MED7: variants seen among roughly 807,000 people sequenced by gnomAD.
The protein encoded by MED7 is mediator of RNA polymerase II transcription subunit 7.
In MED7, 7 loss-of-function variants were observed where a neutral mutation model predicts 16.6. That is an observed-to-expected ratio of 0.42 (90% CI 0.24 to 0.79). The LOEUF (loss-of-function observed/expected upper bound fraction) is 0.79, where lower values mean the gene tolerates loss of function less well. Among genes scored for constraint, MED7 ranks in the 30% least tolerant of loss-of-function variants. MED7 has a pLI of 0.27. For synonymous variants in MED7, 88 were observed against 90.5 expected, an observed-to-expected ratio of 0.97 and a Z score of 0.16; for missense variants, 240 against 286.3, an observed-to-expected ratio of 0.84 and a Z score of 1.17.
At chr5:157,140,622 C>G (rs1055074751) in intron 1 of MED7, among the ~76,000 whole-genome samples, 1 of 152,100 alleles carries the variant, frequency 6.6e-6, no homozygotes, top group Admixed American at 6.5e-5. Context: ...TAGGATGATG[C>G]AGCCTCGCCC....
chr5:157,139,075 C>T lies in MED7; in HGVS notation c.357G>A (p.Val119=). Residue 119 remains valine (V), a synonymous_variant, in exon 2 of 2, where the codon GTG becomes GTA. Coordinates refer to ENST00000286317, the MANE Select transcript of MED7 (RefSeq NM_004270.5). Reference sequence around the variant, plus strand: ...GTCGGTATTCATTTATAAGATGATGCACGTGTACAAAAAGCAGCTTAAGAT... The same window carrying T: ...GTCGGTATTCATTTATAAGATGATGTACGTGTACAAAAAGCAGCTTAAGAT... The part of the protein sequence containing the change: ...LEDLKLLFVH[V]HHLINEYRPH... The T allele has an allele frequency of 1.2e-6, 2 of 1,613,980 alleles. No individual in the cohort carries two copies. Among genetic ancestry groups the T allele is most frequent in the African/African-American group, 1.3e-5 (1 of 74,998 alleles).
chr5:157,139,551 G>T (rs914941379), intron 1 of MED7, 103 bp from the exon 2 acceptor site: 2 of 651,392 alleles, frequency 3.1e-6, no homozygotes, highest in African/African-American at 1.9e-5. Context: ...GCAGTTTGGG[G>T]CCGAAGACAA....
rs139093888 is a variant in MED7, at chr5:157,139,141, T to G, written c.291A>C (p.Ile97=). ...CTCGTTTTATACTCCCAGGGCTCCT[T>G]ATTAAAATATCTAAAAGGTCCAAGA... The part of the protein sequence containing the change: ...INFLDLLDIL[I]RSPGSIKREE... Residue 97 remains isoleucine (I), a synonymous_variant, in exon 2 of 2, where the codon ATA becomes ATC. Coordinates refer to ENST00000286317, the MANE Select transcript of MED7 (RefSeq NM_004270.5). 6 of 1,613,532 alleles carry G rather than the reference T, an allele frequency of 3.7e-6. No homozygotes were observed. The African/African-American group carries it at 6.7e-5, about 18-fold the overall frequency.
chr5:157,142,084 G>A (rs1757733703), intron 1 of MED7, among the ~76,000 whole-genome samples: 1 of 152,142 alleles, frequency 6.6e-6, no homozygotes, highest in South Asian at 2.1e-4. Context: ...ATAAGGACTG[G>A]CATATCACAA....
In MED7 at chr5:157,138,995, C is replaced by T; in HGVS notation, c.437G>A (p.Arg146Gln). ...RVMMEVQKRQ[R>Q]LETAERFQKH... The stretch of plus-strand genomic sequence containing the variant: ...TTGAAATCTCTCAGCTGTTTCAAGC[C>T]GTTGACGTTTCTGGACCTCCATCAT... Residue 146 changes from arginine (R) to glutamine (Q), a missense_variant, in exon 2 of 2, where the codon CGG (arginine) becomes CAG (glutamine). Coordinates refer to ENST00000286317, the MANE Select transcript of MED7 (RefSeq NM_004270.5). The T allele has an allele frequency of 5.0e-6, 8 of 1,614,112 alleles. No individual in the cohort carries two copies. The highest frequency in any genetic ancestry group is 5.9e-6 in the Non-Finnish European group (7 of 1,180,020).
intron 1 of MED7, among the ~76,000 whole-genome samples, chr5:157,140,102 G>A (rs771331487): frequency 6.6e-6 from 1 of 152,122 alleles, no homozygotes; most frequent in Non-Finnish European, 1.5e-5. Context: ...TGCAACCTCC[G>A]CCTCCTGGGC....
At chr5:157,142,069 G>A (rs954121773) in intron 1 of MED7, among the ~76,000 whole-genome samples, 8 of 152,166 alleles carry the variant, frequency 5.3e-5, no homozygotes, top group African/African-American at 1.9e-4. Context: ...GCATCTAACT[G>A]TACAATAAGG....
rs745950470 is a variant in MED7, at chr5:157,139,423, T to C, written c.9A>G (p.Glu3=). The change falls in exon 2 of 2, where the codon GAA becomes GAG. Residue 3 remains glutamate, a synonymous_variant. Coordinates refer to ENST00000286317, the MANE Select transcript of MED7 (RefSeq NM_004270.5). The part of the protein sequence containing the change: MG[E]PQQVSALPPP... ...GTGGAAGTGCACTCACTTGCTGTGG[T>C]TCACCCATTGTGGACTATCAAGAAC... 1 of 1,573,482 alleles carries C rather than the reference T, an allele frequency of 6.4e-7. No homozygotes were observed. The highest frequency in any genetic ancestry group is 2.2e-5 in the East Asian group (1 of 44,722).
intron 1 of MED7, among the ~76,000 whole-genome samples, chr5:157,141,747 G>A (rs1242367313): frequency 2.0e-5 from 3 of 151,852 alleles, no homozygotes; most frequent in Admixed American, 6.6e-5. Context: ...GCACCACCAC[G>A]CCCAGCTAAT....
At chr5:157,142,748 A>T (rs576824432) in intron 1 of MED7, 72 bp downstream of exon 1, 1 of 152,538 alleles carries the variant, frequency 6.6e-6, no homozygotes, top group African/African-American at 2.4e-5. Flanking sequence ...AGCCCAGCAC[A>T]GAGGAAGCTG....
rs1757659197 is a variant in MED7, at chr5:157,137,907, A to G, written c.*823T>C. ...ATGTTCTCACAGAGATGCTGGGAGT[A>G]GGGAAATGTCCCTGGCTGGATTGCC... On this transcript the variant is annotated 3_prime_UTR_variant, in exon 2 of 2. Coordinates refer to ENST00000286317, the MANE Select transcript of MED7 (RefSeq NM_004270.5). 6.6e-6 allele frequency: 1 copy of G among 152,258 alleles called. No individual in the cohort carries two copies. Among genetic ancestry groups the G allele is most frequent in the Admixed American group, 6.5e-5 (1 of 15,284 alleles). The allele number at this position is 152,258 out of a possible 1,614,324, so 9.4% of individuals were successfully genotyped here.
rs142210409 is a variant in MED7, at chr5:157,138,801, T to C, written c.631A>G (p.Arg211Gly). The C allele has an allele frequency of 3.0e-4, 480 of 1,614,140 alleles. 1 individual carries two copies. In the African/African-American group the frequency reaches 5.9e-3, roughly 20 times the overall value. The part of the protein sequence containing the change: ...NEHQRENSGH[R>G]RDQIIEKDAA... The stretch of plus-strand genomic sequence containing the variant: ...TCTTTCTCTATAATCTGATCTCTCC[T>C]ATGACCTGAATTTTCTCTTTGATGT... Residue 211 changes from arginine to glycine, a missense_variant, in exon 2 of 2, where the codon AGG becomes GGG. Arg to Gly is a moderately radical substitution (Grantham distance 125). Transcript: ENST00000286317.
chr5:157,141,170 T>C (rs944683629), intron 1 of MED7, among the ~76,000 whole-genome samples: 2 of 151,978 alleles, frequency 1.3e-5, no homozygotes, highest in Non-Finnish European at 2.9e-5. Context: ...AAGCTCGGAC[T>C]CCCGGGTTCA....
intron 1 of MED7, among the ~76,000 whole-genome samples, chr5:157,139,743 C>T (rs1409539802): frequency 7.9e-6 from 1 of 126,450 alleles, no homozygotes; most frequent in African/African-American, 2.7e-5. Context: ...ACTCCATGCC[C>T]CTCACCACTT....
intron 1 of MED7, among the ~76,000 whole-genome samples, 158 bp from the exon 2 acceptor site, chr5:157,139,606 G>A (rs1250227820): frequency 1.3e-5 from 2 of 152,140 alleles, no homozygotes; most frequent in African/African-American, 2.4e-5. Context: ...GATAGGGAAA[G>A]TCTGCCATCT....
At chr5:157,141,416 C>T (rs552471993) in intron 1 of MED7, among the ~76,000 whole-genome samples, 30 of 152,122 alleles carry the variant, frequency 2.0e-4, no homozygotes, top group African/African-American at 7.0e-4. Context: ...TTTCATCCCA[C>T]TCAAACCTTT....
Position 157,139,083 on chromosome 5 carries a change from CA to C in MED7, c.348del (p.Phe116LeufsTer8). 1 of 1,613,884 alleles carries C rather than the reference CA, an allele frequency of 6.2e-7. No individual in the cohort carries two copies. The highest frequency in any genetic ancestry group is 8.5e-7 in the Non-Finnish European group (1 of 1,179,946). On this transcript the variant is annotated frameshift_variant, in exon 2 of 2. Transcript: ENST00000286317. LOFTEE classifies it high-confidence loss of function. ...TCATTTATAAGATGATGCACGTGTA[CA>C]AAAAGCAGCTTAAGATCTTCTAGTT... ...EEKLEDLKLL[F>X]VHVHHLINEY...
Position 157,137,740 on chromosome 5 carries a change from A to G in MED7, c.*990T>C, listed in dbSNP as rs1204529054. On this transcript the variant is annotated 3_prime_UTR_variant, in exon 2 of 2. Transcript: ENST00000286317. ...AAGAACCAGACTGACAATCTTTGCC[A>G]TCTTCGGTGGCTTCCAAACTTATCC... is the stretch of plus-strand genomic sequence containing the variant. The G allele has an allele frequency of 6.6e-6, 1 of 152,288 alleles. No homozygotes were observed. The highest frequency in any genetic ancestry group is 1.5e-5 in the Non-Finnish European group (1 of 68,084). The allele number at this position is 152,288 out of a possible 1,614,324, so 9.4% of individuals were successfully genotyped here.
At chr5:157,139,794 G>A (rs1165468001) in intron 1 of MED7, among the ~76,000 whole-genome samples, 1 of 151,694 alleles carries the variant, frequency 6.6e-6, no homozygotes, top group Non-Finnish European at 1.5e-5. Context: ...AACTACACAG[G>A]CTGTCTCCCA....
Sources: allele counts gnomAD v4.1 joint callset (sites outside exome capture counted in the v4.1 genomes callset), GRCh38; gene constraint gnomAD v4.1.1; transcripts MANE v1.5; gene names NCBI Gene and HGNC (gene_info 2026-07-23, HGNC 2026-07-21).